Variants in STMP1 observed in about 807,000 individuals in gnomAD.
STMP1 encodes short transmembrane mitochondrial protein 1, also known as mitolamban.
In STMP1, 7 loss-of-function variants were observed where a neutral mutation model predicts 7.0. That is an observed-to-expected ratio of 1.01 (90% CI 0.57 to 1.89). The LOEUF is 1.89. STMP1 is among the 40% of genes most tolerant of loss of function. The pLI, the probability that STMP1 is intolerant of heterozygous loss-of-function variation, is 0.00. For synonymous variants in STMP1, 19 were observed against 18.4 expected (o/e 1.03, Z -0.08); for missense variants, 45 against 53.0 (o/e 0.85, Z 0.47).
At chr7:135,666,998 G>A (rs190508036) in intron 1 of STMP1, among the ~76,000 whole-genome samples, 3 of 152,112 alleles carry the variant, frequency 2.0e-5, no homozygotes, top group Admixed American at 1.3e-4. Flanking sequence ...AATGTATGAC[G>A]GCTTCAATTT....
At chr7:135,669,192 C>G (rs1315724980) in intron 1 of STMP1, among the ~76,000 whole-genome samples, 9 of 152,204 alleles carry the variant, frequency 5.9e-5, no homozygotes, top group Admixed American at 5.9e-4. Flanking sequence ...CCTCCCACAA[C>G]GTGGGAATTC....
In STMP1 at chr7:135,672,741, C is replaced by G. The variant is rs1795370018; in HGVS notation, c.16-12C>G. 6.5e-7 allele frequency: 1 copy of G among 1,549,540 alleles called. No individual in the cohort carries two copies. Among genetic ancestry groups the G allele is most frequent in the Non-Finnish European group, 8.7e-7 (1 of 1,145,066 alleles). ...GGCATGCACTATAACTCTTACTGTT[C>G]TATTTTTTCAGCTTGGATTTACACT... On this transcript the variant is annotated splice_polypyrimidine_tract_variant and intron_variant, in intron 1 of 2. Transcript: ENST00000507606.
At position 135,674,236 on chromosome 7, in the gene STMP1, C is replaced by T. The variant is rs1267573597; in HGVS notation, c.*71C>T. ...TTGAGGGCCTCGTTTACTATCTGAACCAAAAGCTTTTGTTTTCGTCTCCAG... is the reference window on the plus strand; with the variant it reads ...TTGAGGGCCTCGTTTACTATCTGAATCAAAAGCTTTTGTTTTCGTCTCCAG... On this transcript the variant is annotated 3_prime_UTR_variant, in exon 3 of 3. Transcript: ENST00000507606. The T allele has an allele frequency of 8.4e-7, 1 of 1,184,906 alleles. No homozygotes were observed. The highest frequency in any genetic ancestry group is 1.6e-5 in the African/African-American group (1 of 63,794). The allele number at this position is 1,184,906 out of a possible 1,614,324, so 73.4% of individuals were successfully genotyped here.
Position 135,675,882 on chromosome 7 carries a change from T to G in STMP1, c.*1717T>G, listed in dbSNP as rs1315642130. 2.0e-5 allele frequency: 3 copies of G among 151,926 alleles called. No homozygotes were observed. Among genetic ancestry groups the G allele is most frequent in the Non-Finnish European group, 4.4e-5 (3 of 67,998 alleles). 9.4% of individuals were successfully genotyped at this position (151,926 alleles called of 1,614,324 possible). ...TGTGTGACAGATTAGGATTAAATTA[T>G]GGTTTGACTTTTCCTAGCAGCGTGA... On this transcript the variant is annotated 3_prime_UTR_variant, in exon 3 of 3. Transcript: ENST00000507606.
At chr7:135,672,351 A>G (rs1188485918) in intron 1 of STMP1, among the ~76,000 whole-genome samples, 1 of 152,240 alleles carries the variant, frequency 6.6e-6, no homozygotes, top group African/African-American at 2.4e-5. Flanking sequence ...TAACCAAAAA[A>G]AGACAAAAAA....
intron 1 of STMP1, among the ~76,000 whole-genome samples, chr7:135,668,201 C>T (rs1795315877): frequency 6.6e-6 from 1 of 152,130 alleles, no homozygotes; most frequent in South Asian, 2.1e-4. Context: ...AGTCTTCTTT[C>T]CTTGCCACCA....
At chr7:135,667,999 G>A (rs1261082244) in intron 1 of STMP1, among the ~76,000 whole-genome samples, 1 of 152,114 alleles carries the variant, frequency 6.6e-6, no homozygotes, top group Non-Finnish European at 1.5e-5. Context: ...TTCTTTGCAT[G>A]TGGATATCCC....
intron 1 of STMP1, among the ~76,000 whole-genome samples, chr7:135,671,645 A>G (rs575199192): frequency 6.6e-5 from 10 of 152,266 alleles, no homozygotes; most frequent in South Asian, 6.2e-4. Flanking sequence ...ACCAAATGAG[A>G]TAAATATTTA....
chr7:135,669,100 A>C (rs942537829), intron 1 of STMP1, among the ~76,000 whole-genome samples: 10 of 152,238 alleles, frequency 6.6e-5, no homozygotes, highest in Admixed American at 3.9e-4. Flanking sequence ...TAAAACCATC[A>C]GATCTCATGA....
rs1232840607 is a variant in STMP1, at chr7:135,662,649, CA to C, written c.15+56del. 90 of 1,535,268 alleles carry C rather than the reference CA, an allele frequency of 5.9e-5. 1 individual carries two copies. In the Admixed American group the frequency reaches 1.8e-3, roughly 31 times the overall value. ...GCTGCCTGGGGCGTGCCTCGGACCC[CA>C]TTTCCCCCTTGAGGATTGCCGACCC... On this transcript the variant is annotated intron_variant, in intron 1 of 2. Transcript: ENST00000507606.
rs1344169414 is a variant in STMP1, at chr7:135,674,834, TTAA to T, written c.*671_*673del. The T allele has an allele frequency of 6.6e-6, 1 of 152,248 alleles. No individual in the cohort carries two copies. Among genetic ancestry groups the T allele is most frequent in the Non-Finnish European group, 1.5e-5 (1 of 68,040 alleles). The allele number at this position is 152,248 out of a possible 1,614,324, so 9.4% of individuals were successfully genotyped here. A position where few individuals can be genotyped will look rare whatever the true frequency, so the allele number is the denominator to read the frequency against. The stretch of plus-strand genomic sequence containing the variant: ...GTCTATTTAGTGTGCATGTTTTTCC[TTAA>T]TGATGTATTTGATCTGACTTTTTTC... On this transcript the variant is annotated 3_prime_UTR_variant, in exon 3 of 3. Coordinates refer to ENST00000507606, the MANE Select transcript of STMP1 (RefSeq NM_001130929.2).
intron 1 of STMP1, 113 bp from the exon 2 acceptor site, chr7:135,672,640 T>G (rs1442417862): frequency 1.3e-6 from 1 of 759,466 alleles, no homozygotes; most frequent in African/African-American, 1.7e-5. Context: ...GACATCAAGG[T>G]CTTCTAACTG....
intron 1 of STMP1, among the ~76,000 whole-genome samples, chr7:135,663,935 CGCCCG>C (rs2129493144): frequency 6.6e-6 from 1 of 152,370 alleles, no homozygotes; most frequent in South Asian, 2.1e-4. Context: ...TGAGCCTCCG[CGCCCG>C]GCCCCAAATG....
At chr7:135,666,524 T>C (rs953661234) in intron 1 of STMP1, among the ~76,000 whole-genome samples, 57 of 152,042 alleles carry the variant, frequency 3.7e-4, no homozygotes, top group African/African-American at 1.1e-3. Flanking sequence ...AATTTTTGTA[T>C]TTTTAGTAGA....
intron 1 of STMP1, among the ~76,000 whole-genome samples, chr7:135,663,076 G>C (rs1795251835): frequency 6.6e-6 from 1 of 152,196 alleles, no homozygotes; most frequent in African/African-American, 2.4e-5. Context: ...AGTCCGAGAG[G>C]CTAAGTCCTC....
intron 1 of STMP1, among the ~76,000 whole-genome samples, chr7:135,666,387 C>G (rs1795291988): frequency 6.6e-6 from 1 of 152,184 alleles, no homozygotes; most frequent in African/African-American, 2.4e-5. Context: ...CTCACTCTGT[C>G]ACCCAGGCTG....
intron 1 of STMP1, among the ~76,000 whole-genome samples, chr7:135,664,840 C>T (rs1795276008): frequency 6.6e-6 from 1 of 152,034 alleles, no homozygotes; most frequent in African/African-American, 2.4e-5. Flanking sequence ...TCTTTGTGTG[C>T]AGTCATTTCA....
chr7:135,664,452 G>A (rs1472616244), intron 1 of STMP1, among the ~76,000 whole-genome samples: 1 of 148,986 alleles, frequency 6.7e-6, no homozygotes, highest in Non-Finnish European at 1.5e-5. Context: ...CTGGCCTCAA[G>A]CAGCCTTCCC....
chr7:135,664,344 ATTTTTTTTTTTT>A (rs767469164), intron 1 of STMP1, among the ~76,000 whole-genome samples: 3 of 114,986 alleles, frequency 2.6e-5, no homozygotes, highest in African/African-American at 9.9e-5. Context: ...CTGTGTGTTA[ATTTTTTTTTTTT>A]TTTTTTTTTT....
Sources: allele counts gnomAD v4.1 joint callset (sites outside exome capture counted in the v4.1 genomes callset), GRCh38; gene constraint gnomAD v4.1.1; transcripts MANE v1.5; gene names NCBI Gene and HGNC (gene_info 2026-07-23, HGNC 2026-07-21).